The following CABP1 variants were observed in gnomAD, a reference collection of about 807,000 sequenced individuals.
CABP1 encodes the protein calcium binding protein 1.
A neutral mutation model predicts 34.3 loss-of-function variants in CABP1; 17 were observed. That is an observed-to-expected ratio of 0.50 (90% CI 0.34 to 0.74). The LOEUF (loss-of-function observed/expected upper bound fraction) is 0.74, where lower values mean the gene tolerates loss of function less well. CABP1 is among the 30% of genes least tolerant of loss of function. The probability of loss-of-function intolerance (pLI) is 0.01; values close to 1 mark genes in which losing one functional copy is unlikely to be tolerated. For synonymous variants in CABP1, 198 were observed against 229.2 expected, an observed-to-expected ratio of 0.86 and a Z score of 1.23; for missense variants, 373 against 511.1, an observed-to-expected ratio of 0.73 and a Z score of 2.61.
chr12:120,641,625 T>G lies in CABP1; in HGVS notation c.654+286T>G. ...GCCAGTCCTGGAAGAGAGCGACCTC[T>G]ACGACCGTCCTGGAGATTTGCGGGG... On this transcript the variant is annotated intron_variant, in intron 1 of 5. Coordinates refer to ENST00000316803, the MANE Select transcript of CABP1 (RefSeq NM_001033677.2). The surrounding 1 kb of genome is among the most constrained non-coding windows in gnomAD (Gnocchi z 6.7). 3.2e-6 allele frequency: 1 copy of G among 313,676 alleles called. No individual in the cohort carries two copies. The highest frequency in any genetic ancestry group is 4.9e-5 in the East Asian group (1 of 20,318). 19.4% of individuals were successfully genotyped at this position (313,676 alleles called of 1,614,324 possible). A position where few individuals can be genotyped will look rare whatever the true frequency, so the allele number is the denominator to read the frequency against.
At chr12:120,654,853 G>C (rs1029070850) in intron 1 of CABP1, among the ~76,000 whole-genome samples, 4 of 152,264 alleles carry the variant, frequency 2.6e-5, no homozygotes, top group Non-Finnish European at 5.9e-5. Flanking sequence ...CTTCAGGGCG[G>C]AGGATCGGCT....
At chr12:120,650,433 C>CAAA in intron 1 of CABP1, 79 of 1,232,936 alleles carry the variant, frequency 6.4e-5, no homozygotes, top group African/African-American at 9.6e-5. Flanking sequence ...ACAATCCACC[C>CAAA]AAAAAAAAAA....
At position 120,667,033 on chromosome 12, in the gene CABP1, A is replaced by G; in HGVS notation, c.*133A>G. On this transcript the variant is annotated 3_prime_UTR_variant, in exon 6 of 6. Transcript: ENST00000316803. ...GATGGGGCCTGCCTGCACCCCGGGGAGGCGCCCACCCCGGACCCCCACCCC... is the reference window on the plus strand; with the variant it reads ...GATGGGGCCTGCCTGCACCCCGGGGGGGCGCCCACCCCGGACCCCCACCCC... The G allele has an allele frequency of 9.1e-7, 1 of 1,099,204 alleles. No individual in the cohort carries two copies. Among genetic ancestry groups the G allele is most frequent in the Non-Finnish European group, 1.3e-6 (1 of 755,426 alleles). 68.1% of individuals were successfully genotyped at this position (1,099,204 alleles called of 1,614,324 possible).
chr12:120,657,057 C>G (rs573074309), intron 1 of CABP1, among the ~76,000 whole-genome samples: 1 of 152,316 alleles, frequency 6.6e-6, no homozygotes, highest in South Asian at 2.1e-4. Context: ...GTAGAACTTT[C>G]TACAGTGATG....
chr12:120,661,250 A>T lies in CABP1; in HGVS notation c.1087+32A>T, dbSNP rs754496367. 1.3e-6 allele frequency: 2 copies of T among 1,593,958 alleles called. No homozygotes were observed. Among genetic ancestry groups the T allele is most frequent in the African/African-American group, 2.7e-5 (2 of 74,560 alleles). On this transcript the variant is annotated intron_variant, in intron 5 of 5. Coordinates refer to ENST00000316803, the MANE Select transcript of CABP1 (RefSeq NM_001033677.2). This position sits in a 1 kb window ranked among gnomAD's most constrained non-coding sequence, Gnocchi z 5.1. The stretch of plus-strand genomic sequence containing the variant: ...GGGGCTTGAAAGTGGGAGAGAAGCA[A>T]GCCAGCAGTGGCCATCCATGGAGCC...
At chr12:120,650,063 A>G (rs1279308643) in intron 1 of CABP1, 1 of 154,612 alleles carries the variant, frequency 6.5e-6, no homozygotes, top group Non-Finnish European at 1.4e-5. Context: ...GCGCGCGCAC[A>G]CACACAAGGC....
chr12:120,655,706 G>T, intron 1 of CABP1: 1 of 1,435,108 alleles, frequency 7.0e-7, no homozygotes, highest in Non-Finnish European at 9.1e-7. Context: ...GGGAAAGGAT[G>T]TTGTCTCATT....
At chr12:120,658,576 C>A (rs921177720) in intron 1 of CABP1, among the ~76,000 whole-genome samples, 4 of 152,214 alleles carry the variant, frequency 2.6e-5, no homozygotes, top group Non-Finnish European at 5.9e-5. Context: ...TGGTCCTATG[C>A]ACCTGGTTGT....
intron 5 of CABP1, among the ~76,000 whole-genome samples, chr12:120,664,978 C>G (rs959672061): frequency 1.3e-5 from 2 of 151,156 alleles, no homozygotes; most frequent in African/African-American, 4.9e-5. Flanking sequence ...AAAAGCCAAT[C>G]TGAAAACACT....
intron 1 of CABP1, chr12:120,656,321 G>T (rs770998276): frequency 2.0e-6 from 3 of 1,467,442 alleles, no homozygotes; most frequent in South Asian, 2.8e-5. Context: ...TTCACAGGGC[G>T]TGAGGAGGTG....
intron 1 of CABP1, among the ~76,000 whole-genome samples, chr12:120,648,711 T>C (rs1879663647): frequency 6.6e-6 from 1 of 151,812 alleles, no homozygotes; most frequent in Admixed American, 6.6e-5. Context: ...TGAAACCCCA[T>C]CTCTACTAAA....
At chr12:120,653,722 C>T (rs184938584) in intron 1 of CABP1, among the ~76,000 whole-genome samples, 5 of 152,164 alleles carry the variant, frequency 3.3e-5, no homozygotes, top group Admixed American at 1.3e-4. Context: ...TTAGTACAGA[C>T]GGGGTTTCGC....
At chr12:120,665,032 A>T (rs187537811) in intron 5 of CABP1, among the ~76,000 whole-genome samples, 141 of 152,204 alleles carry the variant, frequency 9.3e-4, no homozygotes, top group African/African-American at 3.3e-3. Flanking sequence ...GGAAAAGGCA[A>T]AACTATGGAG....
chr12:120,641,025 G>T lies in CABP1; in HGVS notation c.340G>T (p.Asp114Tyr). 8.5e-7 allele frequency: 1 copy of T among 1,174,366 alleles called. No individual in the cohort carries two copies. Among genetic ancestry groups the T allele is most frequent in the Non-Finnish European group, 1.1e-6 (1 of 951,282 alleles). The allele number at this position is 1,174,366 out of a possible 1,614,324, so 72.7% of individuals were successfully genotyped here. The change falls in exon 1 of 6, where the codon GAC (aspartate) becomes TAC (tyrosine). Residue 114 changes from aspartate (D) to tyrosine (Y), a missense_variant. Coordinates refer to ENST00000316803, the MANE Select transcript of CABP1 (RefSeq NM_001033677.2). This position sits in a 1 kb window ranked among gnomAD's most constrained non-coding sequence, Gnocchi z 6.7. ...CCCGGCGACGCCGCAGTCGTCCGGG[G>T]ACCCCAGTTCGCGGAGGCCCCTGTG... ...SCPATPQSSGDPSSRRPLCRP... is the reference protein window; with the variant it reads ...SCPATPQSSGYPSSRRPLCRP...
intron 1 of CABP1, among the ~76,000 whole-genome samples, chr12:120,642,215 A>G (rs1172239348): frequency 6.6e-6 from 1 of 152,170 alleles, no homozygotes; most frequent in Non-Finnish European, 1.5e-5. Flanking sequence ...ACTCATTGGC[A>G]CAGCTTTGAG....
In CABP1 at chr12:120,656,208, T is replaced by C. The variant is rs368886992; in HGVS notation, c.655-3670T>C. ...ATGCTGGCCCAGAACTGCGCAGTCA[T>C]GCACAACCTGCTGGGCCCTGCCTGC... On this transcript the variant is annotated intron_variant, in intron 1 of 5. Transcript: ENST00000316803. 17 of 1,603,504 alleles carry C rather than the reference T, an allele frequency of 1.1e-5. No homozygotes were observed. The East Asian group carries it at 2.5e-4, about 23-fold the overall frequency.
chr12:120,668,146 T>C (rs948379262), downstream of CABP1, among the ~76,000 whole-genome samples: 1 of 152,182 alleles, frequency 6.6e-6, no homozygotes, highest in African/African-American at 2.4e-5. Flanking sequence ...AGTGAAGTGA[T>C]GTCAAGGGTT....
chr12:120,651,623 C>G (rs1254378856), intron 1 of CABP1, among the ~76,000 whole-genome samples: 1 of 152,316 alleles, frequency 6.6e-6, no homozygotes, highest in Non-Finnish European at 1.5e-5. Context: ...AGTGACTTAC[C>G]TATGGCCTCG....
At chr12:120,663,965 A>C (rs1263457676) in intron 5 of CABP1, among the ~76,000 whole-genome samples, 1 of 152,230 alleles carries the variant, frequency 6.6e-6, no homozygotes, top group African/African-American at 2.4e-5. Context: ...AGAGACCGTG[A>C]GTGTCCAGAA....
Sources: allele counts gnomAD v4.1 joint callset (sites outside exome capture counted in the v4.1 genomes callset), GRCh38; gene constraint gnomAD v4.1.1; non-coding constraint Gnocchi (gnomAD v3.1); transcripts MANE v1.5; gene names NCBI Gene and HGNC (gene_info 2026-07-23, HGNC 2026-07-21).